The following FARS2 variants were observed in gnomAD, a reference collection of about 807,000 sequenced individuals.
The protein encoded by FARS2 is phenylalanine--tRNA ligase, mitochondrial.
FARS2 carries 40 observed loss-of-function variants against 46.4 expected under a neutral mutation model. That is an observed-to-expected ratio of 0.86 (90% CI 0.67 to 1.12). The LOEUF is 1.12. FARS2 is among the 50% of genes most tolerant of loss of function. FARS2 has a pLI of 0.00. For missense variants in FARS2, 513 were observed against 567.9 expected, an observed-to-expected ratio of 0.90 and a Z score of 0.98; for synonymous variants, 234 against 214.9, an observed-to-expected ratio of 1.09 and a Z score of -0.78.
intron 6 of FARS2, among the ~76,000 whole-genome samples, chr6:5,701,617 A>G (rs1248932561): frequency 1.3e-5 from 2 of 152,218 alleles, no homozygotes; most frequent in African/African-American, 2.4e-5. Flanking sequence ...AAGGCTTGAC[A>G]GTGTTAGTGC....
At chr6:5,561,950 T>G (rs1237142573) in intron 5 of FARS2, among the ~76,000 whole-genome samples, 2 of 152,102 alleles carry the variant, frequency 1.3e-5, no homozygotes, top group East Asian at 1.9e-4. Context: ...AAAATGAGCT[T>G]CTTTTCTTCT....
chr6:5,434,874 A>G (rs1763432962), intron 4 of FARS2, among the ~76,000 whole-genome samples: 1 of 152,188 alleles, frequency 6.6e-6, no homozygotes, highest in Admixed American at 6.5e-5. Flanking sequence ...TAAGGTTCTT[A>G]TAGAGAATCA....
intron 6 of FARS2, among the ~76,000 whole-genome samples, chr6:5,687,112 A>G (rs1582762008): frequency 1.3e-5 from 2 of 152,128 alleles, no homozygotes; most frequent in South Asian, 2.1e-4. Context: ...TTTGTCAGAT[A>G]AGTAGATTGC....
chr6:5,747,992 T>C (rs1209583013), intron 6 of FARS2, among the ~76,000 whole-genome samples: 2 of 152,234 alleles, frequency 1.3e-5, no homozygotes, highest in Non-Finnish European at 2.9e-5. Flanking sequence ...GATCATTTCT[T>C]GAGATCAAGA....
intron 1 of FARS2, among the ~76,000 whole-genome samples, chr6:5,322,103 C>T (rs1290507235): frequency 1.3e-5 from 2 of 152,158 alleles, no homozygotes; most frequent in Admixed American, 6.5e-5. Flanking sequence ...TGACCAAAAA[C>T]AAACACGTGT....
chr6:5,254,281 A>C, the FARS2 span, among the ~76,000 whole-genome samples: 1 of 152,094 alleles, frequency 6.6e-6, no homozygotes, highest in Non-Finnish European at 1.5e-5. Flanking sequence ...ACCAACTTCC[A>C]CTTCTTGAAG....
chr6:5,505,260 T>TC (rs1768034243), intron 4 of FARS2, among the ~76,000 whole-genome samples: 1 of 152,186 alleles, frequency 6.6e-6, no homozygotes, highest in Non-Finnish European at 1.5e-5. Context: ...AGCAGCTCAG[T>TC]CCCTGGGAGC....
rs142446977 is a variant in FARS2 at position 5,557,482 on chromosome 6, A to G, written c.1065+12142A>G. Among the ~76,000 whole-genome samples, 77 of 152,260 alleles carry G rather than the reference A, an allele frequency of 5.1e-4. 1 individual carries two copies. The highest frequency in any genetic ancestry group is 1.8e-3 in the African/African-American group (76 of 41,518). ...AGACTTCCCTCACATCTCATTTTCA[A>G]GGTAGTCAGAGTGGTCTGTGAAGTT... On this transcript the variant is annotated intron_variant, in intron 5 of 6. Transcript: ENST00000274680.
intron 4 of FARS2, among the ~76,000 whole-genome samples, chr6:5,502,850 A>G (rs1411063756): frequency 6.6e-6 from 1 of 152,208 alleles, no homozygotes; most frequent in Non-Finnish European, 1.5e-5. Flanking sequence ...ATTTTATATC[A>G]CAGCCATCTC....
intron 4 of FARS2, among the ~76,000 whole-genome samples, chr6:5,451,460 G>A (rs189433964): frequency 2.5e-4 from 38 of 152,250 alleles, no homozygotes; most frequent in African/African-American, 8.2e-4. Flanking sequence ...TTGAACTGTC[G>A]TAAGAATTGG....
chr6:5,359,639 A>G (rs1453033978), intron 1 of FARS2, among the ~76,000 whole-genome samples: 1 of 152,210 alleles, frequency 6.6e-6, no homozygotes, highest in East Asian at 1.9e-4. Context: ...GCCTTTGCCA[A>G]CCTGTGGAAG....
upstream of FARS2, among the ~76,000 whole-genome samples, chr6:5,256,491 GA>G (rs1161084364): frequency 1.1e-3 from 49 of 43,868 alleles, no homozygotes; most frequent in Non-Finnish European, 1.2e-3. Flanking sequence ...ATTTCAACTG[GA>G]AAAAAAAAAA....
chr6:5,285,501 C>G (rs1197046459), intron 1 of FARS2, among the ~76,000 whole-genome samples: 2 of 152,134 alleles, frequency 1.3e-5, no homozygotes, highest in East Asian at 3.8e-4. Flanking sequence ...TTGAGAGACT[C>G]GTAAAGCGTG....
chr6:5,296,559 C>T (rs1315163970), intron 1 of FARS2, among the ~76,000 whole-genome samples: 1 of 152,140 alleles, frequency 6.6e-6, no homozygotes, highest in Non-Finnish European at 1.5e-5. Context: ...AAACTTCGTA[C>T]CCAGTAAACA....
chr6:5,584,692 C>G (rs1773521670), intron 5 of FARS2, among the ~76,000 whole-genome samples: 2 of 151,972 alleles, frequency 1.3e-5, no homozygotes, highest in African/African-American at 2.4e-5. Flanking sequence ...TTTTAACCTT[C>G]CATAGATATG....
intron 3 of FARS2, among the ~76,000 whole-genome samples, chr6:5,422,276 G>A (rs543078616): frequency 7.2e-5 from 11 of 152,238 alleles, no homozygotes; most frequent in Admixed American, 3.3e-4. Context: ...TCCACAATGC[G>A]TGGGAATTCA....
chr6:5,756,811 A>G (rs929677491), intron 6 of FARS2, among the ~76,000 whole-genome samples: 1 of 152,202 alleles, frequency 6.6e-6, no homozygotes, highest in East Asian at 1.9e-4. Context: ...TAACTGTCAT[A>G]CATAGGAAAA....
chr6:5,762,649 G>A (rs1045941227), intron 6 of FARS2, among the ~76,000 whole-genome samples: 5 of 152,222 alleles, frequency 3.3e-5, no homozygotes, highest in Admixed American at 6.5e-5. Flanking sequence ...GAACTCTTAC[G>A]TTGCCGACGT....
At chr6:5,251,511 G>A in the FARS2 span, among the ~76,000 whole-genome samples, 1 of 152,104 alleles carries the variant, frequency 6.6e-6, no homozygotes, top group Non-Finnish European at 1.5e-5. Flanking sequence ...CACATCACAG[G>A]CCAGAGCAGG....
Sources: allele counts gnomAD v4.1 joint callset (sites outside exome capture counted in the v4.1 genomes callset), GRCh38; gene constraint gnomAD v4.1.1; transcripts MANE v1.5; gene names NCBI Gene and HGNC (gene_info 2026-07-23, HGNC 2026-07-21).